FRMD3: variants seen among roughly 807,000 people sequenced by gnomAD.
FRMD3 encodes FERM domain containing 3.
In FRMD3, 33 loss-of-function variants were observed where a neutral mutation model predicts 70.2. The ratio of observed to expected loss-of-function variants is 0.47; its 90% confidence interval spans 0.36 to 0.63. The LOEUF is 0.63. Ranked by LOEUF, FRMD3 falls within the 20% of genes least tolerant of loss-of-function variation. The probability of loss-of-function intolerance (pLI) is 0.00; values close to 1 mark genes in which losing one functional copy is unlikely to be tolerated. For synonymous variants in FRMD3, 279 were observed against 255.9 expected (o/e 1.09, Z -0.86); for missense variants, 632 against 711.4 (o/e 0.89, Z 1.27).
chr9:83,505,254 G>T (rs191779067), intron 1 of FRMD3, among the ~76,000 whole-genome samples: 1 of 152,286 alleles, frequency 6.6e-6, no homozygotes, highest in East Asian at 1.9e-4. Flanking sequence ...CTGTAAACAG[G>T]TGAGAGAGCT....
chr9:83,283,555 T>G (rs201462270), intron 13 of FRMD3, among the ~76,000 whole-genome samples: 1 of 90,108 alleles, frequency 1.1e-5, no homozygotes, highest in South Asian at 2.8e-4. Context: ...AAAATAATAA[T>G]AATAATAATA....
intron 1 of FRMD3, among the ~76,000 whole-genome samples, chr9:83,528,720 G>A (rs1342886922): frequency 6.6e-6 from 1 of 151,900 alleles, no homozygotes; most frequent in Non-Finnish European, 1.5e-5. Flanking sequence ...TAAACACAGG[G>A]TTTCACCATG....
At chr9:83,565,919 T>A in the FRMD3 span, among the ~76,000 whole-genome samples, 1 of 152,156 alleles carries the variant, frequency 6.6e-6, no homozygotes, top group African/African-American at 2.4e-5. Flanking sequence ...CTCTGCATAC[T>A]CCCATCTGGG....
chr9:83,444,111 A>T (rs981531670), intron 1 of FRMD3, among the ~76,000 whole-genome samples: 1 of 152,240 alleles, frequency 6.6e-6, no homozygotes, highest in Non-Finnish European at 1.5e-5. Context: ...TTCCTTCAAC[A>T]TTGTGAACAG....
rs1474581945 is a variant in FRMD3 at position 83,248,576 on chromosome 9, C to T, written c.1196-60G>A. Reference sequence around the variant, plus strand: ...TTTCAGATTTTCCCACAAAAATCTGCAGGAAGAAACAGAAAAACAAAAAAC... The same window carrying T: ...TTTCAGATTTTCCCACAAAAATCTGTAGGAAGAAACAGAAAAACAAAAAAC... On this transcript the variant is annotated intron_variant, in intron 13 of 13. Transcript: ENST00000304195. 2.0e-6 allele frequency: 3 copies of T among 1,492,588 alleles called. No individual in the cohort carries two copies. In the African/African-American group the frequency reaches 4.2e-5, roughly 21 times the overall value. The allele number at this position is 1,492,588 out of a possible 1,614,324, so 92.5% of individuals were successfully genotyped here.
intron 1 of FRMD3, among the ~76,000 whole-genome samples, chr9:83,403,513 T>C (rs746513631): frequency 2.0e-5 from 3 of 152,090 alleles, no homozygotes. Flanking sequence ...GTTGAGAGGC[T>C]GGGAGTATAA....
chr9:83,481,578 C>T (rs1024909462), intron 1 of FRMD3, among the ~76,000 whole-genome samples: 4 of 152,214 alleles, frequency 2.6e-5, no homozygotes, highest in African/African-American at 4.8e-5. Context: ...TACTCACATT[C>T]GAAAGAGTCC....
downstream of FRMD3, among the ~76,000 whole-genome samples, chr9:83,243,422 T>C (rs1831945708): frequency 6.6e-6 from 1 of 152,140 alleles, no homozygotes; most frequent in Admixed American, 6.5e-5. Flanking sequence ...AGGGTGGGAA[T>C]GTTGGTGGGA....
At chr9:83,416,753 C>CTCTCTCTCTCTCTCTCTG (rs1564066999) in intron 1 of FRMD3, among the ~76,000 whole-genome samples, 35 of 101,076 alleles carry the variant, frequency 3.5e-4, no homozygotes, top group African/African-American at 1.5e-3. Flanking sequence ...CTGTCTCTCT[C>CTCTCTCTCTCTCTCTCTG]TCTCTCTCTC....
At chr9:83,373,689 T>C (rs998798564) in intron 2 of FRMD3, among the ~76,000 whole-genome samples, 8 of 152,120 alleles carry the variant, frequency 5.3e-5, no homozygotes, top group African/African-American at 2.4e-5. Flanking sequence ...TTGAGATCAC[T>C]AACCATGAGG....
intron 1 of FRMD3, among the ~76,000 whole-genome samples, chr9:83,454,161 A>G (rs540054977): frequency 6.6e-6 from 1 of 152,380 alleles, no homozygotes; most frequent in South Asian, 2.1e-4. Flanking sequence ...TTGTCATTAC[A>G]TATTAGTACA....
At chr9:83,498,496 G>A (rs1587479510) in intron 1 of FRMD3, among the ~76,000 whole-genome samples, 1 of 152,104 alleles carries the variant, frequency 6.6e-6, no homozygotes, top group Admixed American at 6.6e-5. Context: ...AGTAGTTCAT[G>A]TGCTCCCCTA....
chr9:83,386,012 A>T (rs1046938668), intron 2 of FRMD3, among the ~76,000 whole-genome samples: 2 of 152,178 alleles, frequency 1.3e-5, no homozygotes, highest in Admixed American at 1.3e-4. Flanking sequence ...AACAACCAAG[A>T]GTGAAAATAA....
intron 3 of FRMD3, among the ~76,000 whole-genome samples, chr9:83,367,305 C>T (rs955082624): frequency 1.3e-5 from 2 of 152,192 alleles, no homozygotes; most frequent in African/African-American, 4.8e-5. Flanking sequence ...AGCCCACCTG[C>T]ATTTTCACCT....
chr9:83,352,814 T>C (rs1417564185), intron 3 of FRMD3, among the ~76,000 whole-genome samples: 1 of 152,152 alleles, frequency 6.6e-6, no homozygotes, highest in African/African-American at 2.4e-5. Flanking sequence ...GTCAATGGTC[T>C]CCTCTCAGTG....
chr9:83,523,202 G>A (rs1222651388), intron 1 of FRMD3, among the ~76,000 whole-genome samples: 4 of 151,640 alleles, frequency 2.6e-5, no homozygotes, highest in Non-Finnish European at 2.9e-5. Flanking sequence ...ATGGACGGAC[G>A]GACGGATGGA....
chr9:83,359,925 C>T (rs1355477746), intron 3 of FRMD3, among the ~76,000 whole-genome samples: 1 of 152,194 alleles, frequency 6.6e-6, no homozygotes, highest in Non-Finnish European at 1.5e-5. Flanking sequence ...TATTGTTACT[C>T]TAAAGTGCAG....
chr9:83,492,075 G>GC (rs1201561649), intron 1 of FRMD3, among the ~76,000 whole-genome samples: 2 of 152,094 alleles, frequency 1.3e-5, no homozygotes, highest in Non-Finnish European at 2.9e-5. Context: ...CACACCCTGG[G>GC]CCCCCAAGGG....
At chr9:83,386,026 A>G (rs1825501707) in intron 2 of FRMD3, among the ~76,000 whole-genome samples, 1 of 152,184 alleles carries the variant, frequency 6.6e-6, no homozygotes, top group Non-Finnish European at 1.5e-5. Context: ...AAAATAACAC[A>G]TACCAGATAC....
Sources: gnomAD v4.1 joint callset for allele counts (sites outside exome capture counted in the v4.1 genomes callset) on GRCh38, gnomAD v4.1.1 for gene constraint, MANE v1.5 for transcripts, NCBI Gene and HGNC (gene_info 2026-07-23, HGNC 2026-07-21) for gene names.